BMERB1: variants seen among roughly 807,000 people sequenced by gnomAD.
BMERB1 encodes the protein bMERB domain-containing protein 1.
Under a neutral mutation model 23.6 loss-of-function variants are expected in BMERB1, and 12 were observed. The observed-to-expected ratio is 0.51, with a 90% CI of 0.33 to 0.82. The LOEUF (loss-of-function observed/expected upper bound fraction) is 0.82, where lower values mean the gene tolerates loss of function less well. BMERB1 is among the 40% of genes least tolerant of loss of function. BMERB1 has a pLI of 0.03. For missense variants in BMERB1, 247 were observed against 255.4 expected (o/e 0.97, Z 0.22); for synonymous variants, 122 against 96.6 (o/e 1.26, Z -1.54).
At chr16:15,463,781 G>A (rs116053255) in intron 1 of BMERB1, among the ~76,000 whole-genome samples, 2,203 of 151,872 alleles carry the variant, frequency 0.015, 58 homozygotes, top group African/African-American at 0.052. Context: ...TGCCTTAGCT[G>A]TGAGGCTGTG....
intron 1 of BMERB1, among the ~76,000 whole-genome samples, chr16:15,444,594 G>A (rs1598441701): frequency 2.6e-5 from 4 of 152,314 alleles, no homozygotes; most frequent in African/African-American, 9.6e-5. Context: ...TGGTAGCAGT[G>A]TGAAGGCTCA....
In BMERB1 at chr16:15,451,074, G is replaced by T. The variant is rs148667771; in HGVS notation, c.106+16315G>T. On this transcript the variant is annotated intron_variant, in intron 1 of 5. Coordinates refer to ENST00000300006, the MANE Select transcript of BMERB1 (RefSeq NM_033201.3). ...TGAAACTTTAAATTAGTTTAAGGGG[G>T]CGTAACCAGCATAAAAAAAATGAAA... Among the ~76,000 whole-genome samples, 1,036 of 152,218 alleles carry T rather than the reference G, an allele frequency of 6.8e-3. 12 individuals are homozygous for T. Among genetic ancestry groups the T allele is most frequent in the African/African-American group, 0.023 (975 of 41,536 alleles).
rs530530295 is a variant in BMERB1 at position 15,538,517 on chromosome 16, C to A, written c.230+23089C>A. Among the ~76,000 whole-genome samples the A allele has an allele frequency of 2.0e-5, 3 of 152,024 alleles. No individual in the cohort carries two copies. In the South Asian group the frequency reaches 6.2e-4, roughly 32 times the overall value. On this transcript the variant is annotated intron_variant, in intron 2 of 5. Transcript: ENST00000300006. ...TCTCATTCCCCCTTGAAGATGGTGA[C>A]TGTTTGCTACTGTTCCATGTCTTCA...
chr16:15,534,286 CAAAAAAAAAAAAAA>C (rs1168488547), intron 2 of BMERB1, among the ~76,000 whole-genome samples: 15 of 41,972 alleles, frequency 3.6e-4, no homozygotes, highest in African/African-American at 5.1e-4. Context: ...TTTTTAATTG[CAAAAAAAAAAAAAA>C]AAAAAAAAAA....
chr16:15,502,160 G>A, intron 1 of BMERB1: 1 of 809,680 alleles, frequency 1.2e-6, no homozygotes, highest in Non-Finnish European at 2.0e-6. Context: ...CGTGCTGTTG[G>A]TGCGTCCTCC....
chr16:15,524,228 A>G (rs770035531), intron 2 of BMERB1, among the ~76,000 whole-genome samples: 1 of 152,158 alleles, frequency 6.6e-6, no homozygotes, highest in Non-Finnish European at 1.5e-5. Flanking sequence ...GCCACTGTAC[A>G]TATCGGATGG....
At chr16:15,496,911 G>C (rs759993304) in intron 1 of BMERB1, among the ~76,000 whole-genome samples, 3 of 152,046 alleles carry the variant, frequency 2.0e-5, no homozygotes, top group Admixed American at 2.0e-4. Flanking sequence ...GCCAGGCAGG[G>C]GCAGAGCCAG....
intron 1 of BMERB1, among the ~76,000 whole-genome samples, chr16:15,497,673 C>G (rs1195784815): frequency 6.6e-6 from 1 of 152,190 alleles, no homozygotes; most frequent in Non-Finnish European, 1.5e-5. Flanking sequence ...ACTGTCACCC[C>G]TCTTGCCTTG....
At position 15,552,138 on chromosome 16, in the gene BMERB1, GA is replaced by G. The variant is rs568627070; in HGVS notation, c.231-15837del. The stretch of plus-strand genomic sequence containing the variant: ...TCTAGGCACTGGTAAGAGTCTGGGG[GA>G]AAAAAAATCAAAAATAACAAGTGGA... On this transcript the variant is annotated intron_variant, in intron 2 of 5. Coordinates refer to ENST00000300006, the MANE Select transcript of BMERB1 (RefSeq NM_033201.3). Among the ~76,000 whole-genome samples, 226 of 151,734 alleles carry G rather than the reference GA, an allele frequency of 1.5e-3. 1 individual carries two copies. The highest frequency in any genetic ancestry group is 5.2e-3 in the African/African-American group (215 of 41,374).
chr16:15,524,814 C>G (rs182803906), intron 2 of BMERB1, among the ~76,000 whole-genome samples: 3 of 152,258 alleles, frequency 2.0e-5, no homozygotes, highest in Non-Finnish European at 4.4e-5. Flanking sequence ...ACTTGACAAG[C>G]TCTTGCTGCT....
At chr16:15,474,182 T>G (rs1008045625) in intron 1 of BMERB1, among the ~76,000 whole-genome samples, 5 of 151,928 alleles carry the variant, frequency 3.3e-5, no homozygotes, top group East Asian at 3.9e-4. Flanking sequence ...CTTTTTTTTT[T>G]GTCAGAGTTT....
chr16:15,449,753 T>A (rs7500830), intron 1 of BMERB1, among the ~76,000 whole-genome samples: 2 of 151,948 alleles, frequency 1.3e-5, no homozygotes, highest in Non-Finnish European at 2.9e-5. Context: ...ACCATATTGG[T>A]CAGACTGGTC....
intron 2 of BMERB1, among the ~76,000 whole-genome samples, chr16:15,540,333 CT>C (rs970803571): frequency 6.6e-6 from 1 of 151,728 alleles, no homozygotes; most frequent in African/African-American, 2.4e-5. Flanking sequence ...CAAGACCAGC[CT>C]GTCTAACATG....
At chr16:15,481,718 C>G (rs910235060) in intron 1 of BMERB1, among the ~76,000 whole-genome samples, 1 of 151,132 alleles carries the variant, frequency 6.6e-6, no homozygotes, top group African/African-American at 2.4e-5. Context: ...TTTTCTTTTT[C>G]TTTTCTTTCT....
intron 1 of BMERB1, among the ~76,000 whole-genome samples, chr16:15,445,184 C>T (rs757051008): frequency 2.6e-5 from 4 of 152,250 alleles, no homozygotes; most frequent in Middle Eastern, 3.4e-3. Flanking sequence ...TGAGCCACCA[C>T]GCCTGGTTAT....
At chr16:15,584,336 G>A (rs1264652309) in intron 5 of BMERB1, among the ~76,000 whole-genome samples, 1 of 151,986 alleles carries the variant, frequency 6.6e-6, no homozygotes, top group Non-Finnish European at 1.5e-5. Context: ...GAGGCGGGCG[G>A]ATCACAGGTC....
chr16:15,509,843 A>T (rs2051639985), intron 1 of BMERB1, among the ~76,000 whole-genome samples: 1 of 152,126 alleles, frequency 6.6e-6, no homozygotes, highest in African/African-American at 2.4e-5. Context: ...ATGTGACCTT[A>T]TTTGGAAATA....
At chr16:15,540,455 G>A (rs566811016) in intron 2 of BMERB1, among the ~76,000 whole-genome samples, 2 of 151,998 alleles carry the variant, frequency 1.3e-5, no homozygotes, top group Non-Finnish European at 2.9e-5. Context: ...GAACCTGAGA[G>A]GTGGAGGTTG....
chr16:15,528,862 T>G lies in BMERB1; in HGVS notation c.230+13434T>G, dbSNP rs532478026. Among the ~76,000 whole-genome samples, 14 of 152,274 alleles carry G rather than the reference T, an allele frequency of 9.2e-5. No individual in the cohort carries two copies. In the East Asian group the frequency reaches 2.7e-3, roughly 29 times the overall value. On this transcript the variant is annotated intron_variant, in intron 2 of 5. Coordinates refer to ENST00000300006, the MANE Select transcript of BMERB1 (RefSeq NM_033201.3). The stretch of plus-strand genomic sequence containing the variant: ...TCCTCATGGATGGGATTCGTGCCCA[T>G]GTAAAAGAGGCCCAGGGTAGCTTGT...
Sources: allele counts gnomAD v4.1 joint callset (sites outside exome capture counted in the v4.1 genomes callset), GRCh38; gene constraint gnomAD v4.1.1; transcripts MANE v1.5; gene names NCBI Gene and HGNC (gene_info 2026-07-23, HGNC 2026-07-21).